ZNF665: variants seen among roughly 807,000 people sequenced by gnomAD.
ZNF665 encodes zinc finger protein 665.
A neutral mutation model predicts 7.9 loss-of-function variants in ZNF665; 6 were observed. The ratio of observed to expected loss-of-function variants is 0.76; its 90% CI spans 0.42 to 1.50. ZNF665 has a LOEUF of 1.50. Ranked by LOEUF, ZNF665 falls within the 40% of genes most tolerant of loss-of-function variation. The pLI is 0.01. For missense variants in ZNF665, 819 were observed against 806.7 expected, an observed-to-expected ratio of 1.02 and a Z score of -0.18; for synonymous variants, 242 against 274.5, an observed-to-expected ratio of 0.88 and a Z score of 1.17.
chr19:53,165,104 G>A lies in ZNF665; in HGVS notation c.1386C>T (p.Asp462=), dbSNP rs1388815034. The A allele has an allele frequency of 6.2e-7, 1 of 1,611,262 alleles. No homozygotes were observed. Among genetic ancestry groups the A allele is most frequent in the Non-Finnish European group, 8.5e-7 (1 of 1,179,202 alleles). ...AATTTTGTGTGAAGACCTTACCGCA[G>A]TCATTACATTTGTAAGGCTTTTCTC... The part of the protein sequence containing the change: ...HTGEKPYKCN[D]CGKVFTQNSH... Residue 462 remains aspartate, a synonymous_variant, in exon 4 of 4, where the codon GAC becomes GAT. Transcript: ENST00000396424.
chr19:53,180,653 T>G (rs2090731527), intron 2 of ZNF665: 1 of 152,130 alleles, frequency 6.6e-6, no homozygotes, highest in Admixed American at 6.6e-5. Flanking sequence ...TTTTATGACA[T>G]CTTTAGTTGT....
chr19:53,184,757 C>A (rs972696813), intron 1 of ZNF665, among the ~76,000 whole-genome samples: 3 of 152,058 alleles, frequency 2.0e-5, no homozygotes, highest in Non-Finnish European at 4.4e-5. Flanking sequence ...ACCACCAAGA[C>A]GTGGAGACCG....
At chr19:53,170,022 G>A (rs2090645878) in intron 3 of ZNF665, among the ~76,000 whole-genome samples, 1 of 145,148 alleles carries the variant, frequency 6.9e-6, no homozygotes, top group African/African-American at 2.6e-5. Flanking sequence ...ATAGCAGCAT[G>A]ATTTATAGTC....
rs764492713 is a variant in ZNF665 at position 53,165,009 on chromosome 19, G to C, written c.1481C>G (p.Ala494Gly). 1 of 1,613,356 alleles carries C rather than the reference G, an allele frequency of 6.2e-7. No individual in the cohort carries two copies. Among genetic ancestry groups the C allele is most frequent in the Non-Finnish European group, 8.5e-7 (1 of 1,179,836 alleles). Residue 494 changes from alanine to glycine, a missense_variant, in exon 4 of 4, where the codon GCC becomes GGC. Transcript: ENST00000396424. ...KPYKCDECGK[A>G]FSQTSQLARH... ...TGCAAGTTGTGATGTTTGACTGAAG[G>C]CTTTACCACATTCATCACACTTGTA...
At chr19:53,182,730 C>T (rs2090747311) in intron 2 of ZNF665, 154 bp downstream of exon 2, 1 of 1,338,106 alleles carries the variant, frequency 7.5e-7, no homozygotes, top group African/African-American at 1.4e-5. Flanking sequence ...GAGATGGAAT[C>T]TAAGTGAGAT....
intron 3 of ZNF665, among the ~76,000 whole-genome samples, chr19:53,170,098 G>T (rs376608759): frequency 0.018 from 2,676 of 145,172 alleles, 95 homozygotes; most frequent in African/African-American, 0.066. Flanking sequence ...AGATCCCTGA[G>T]GAATCGCCAC....
At chr19:53,167,443 T>C (rs542337387) in intron 3 of ZNF665, among the ~76,000 whole-genome samples, 2 of 143,904 alleles carry the variant, frequency 1.4e-5, no homozygotes, top group African/African-American at 4.9e-5. Context: ...AGTCTGTGGA[T>C]TGTCAACAAT....
chr19:53,189,070 T>TGTGC (rs2090793822), intron 1 of ZNF665, among the ~76,000 whole-genome samples: 1 of 151,732 alleles, frequency 6.6e-6, no homozygotes, highest in Non-Finnish European at 1.5e-5. Flanking sequence ...TGTGTGTGTG[T>TGTGC]GTGTGTGTGT....
At position 53,182,870 on chromosome 19, in the gene ZNF665, G is replaced by A; in HGVS notation, c.15+14C>T. 6.2e-7 allele frequency: 1 copy of A among 1,613,114 alleles called. No individual in the cohort carries two copies. Among genetic ancestry groups the A allele is most frequent in the East Asian group, 2.2e-5 (1 of 44,866 alleles). The stretch of plus-strand genomic sequence containing the variant: ...GGAAGGAGACAGAACAATCCACCGA[G>A]AATATCATCTCACCTGAGGAAGAGC... On this transcript the variant is annotated intron_variant, in intron 2 of 3. Coordinates refer to ENST00000396424, the MANE Select transcript of ZNF665 (RefSeq NM_024733.5).
At chr19:53,172,087 G>A (rs1281095116) in intron 3 of ZNF665, among the ~76,000 whole-genome samples, 1 of 152,144 alleles carries the variant, frequency 6.6e-6, no homozygotes, top group East Asian at 1.9e-4. Context: ...GTAAATAATA[G>A]AGTAATAATT....
chr19:53,182,012 T>C (rs1339651375), intron 2 of ZNF665: 2 of 152,238 alleles, frequency 1.3e-5, no homozygotes, highest in Admixed American at 1.3e-4. Context: ...ATGAAAACAT[T>C]CATCCAATAT....
chr19:53,181,425 A>C, intron 2 of ZNF665: 1 of 151,764 alleles, frequency 6.6e-6, no homozygotes, highest in Non-Finnish European at 1.5e-5. Context: ...TGTATCAGAA[A>C]AAAAAAAAAA....
At chr19:53,192,932 C>T (rs1003744736) in intron 1 of ZNF665, among the ~76,000 whole-genome samples, 2 of 152,154 alleles carry the variant, frequency 1.3e-5, no homozygotes, top group Non-Finnish European at 2.9e-5. Context: ...GGCAGAGGCG[C>T]GGCCTCCCCG....
chr19:53,172,049 C>T (rs143788652), intron 3 of ZNF665, among the ~76,000 whole-genome samples: 5 of 152,198 alleles, frequency 3.3e-5, no homozygotes, highest in South Asian at 2.1e-4. Context: ...CCACCACACC[C>T]GGCCAGATTT....
intron 2 of ZNF665, chr19:53,182,533 C>T (rs747408337): frequency 1.5e-6 from 1 of 654,208 alleles, no homozygotes; most frequent in Non-Finnish European, 2.8e-6. Context: ...ACTTCATAAC[C>T]AGCTTCTCTT....
At position 53,184,927 on chromosome 19, in the gene ZNF665, A is replaced by G. The variant is rs375702083; in HGVS notation, c.-45-1984T>C. On this transcript the variant is annotated intron_variant, in intron 1 of 3. Transcript: ENST00000396424. ...CCTGCCTGGCAGCCGAGGCAGAGAG[A>G]GAGAGGAGAAAGAGAGAAACAGCTT... is the stretch of plus-strand genomic sequence containing the variant. Among the ~76,000 whole-genome samples, 171 of 152,160 alleles carry G rather than the reference A, an allele frequency of 1.1e-3. 3 individuals are homozygous for G. In the East Asian group the frequency reaches 0.025, roughly 22 times the overall value.
At chr19:53,192,912 C>G (rs1338311562) in intron 1 of ZNF665, among the ~76,000 whole-genome samples, 18 of 152,246 alleles carry the variant, frequency 1.2e-4, no homozygotes, top group South Asian at 4.1e-4. Flanking sequence ...TATGCAGGAT[C>G]CCAGGACCAG....
In ZNF665 at chr19:53,165,199, T is replaced by C; in HGVS notation, c.1291A>G (p.Arg431Gly). The C allele has an allele frequency of 1.2e-6, 2 of 1,614,144 alleles. No homozygotes were observed. Among genetic ancestry groups the C allele is most frequent in the Non-Finnish European group, 8.5e-7 (1 of 1,180,014 alleles). The change falls in exon 4 of 4, where the codon AGG becomes GGG. Residue 431 changes from arginine (R) to glycine (G), a missense_variant. Arg to Gly is a moderately radical substitution (Grantham distance 125). Transcript: ENST00000396424. The stretch of plus-strand genomic sequence containing the variant: ...AAGGCTTTGCCACACTCATCACACC[T>C]GTAAGGTTTCTCTCCAGTATGAATT... ...RRIHTGEKPYRCDECGKAFSV... is the reference protein window; with the variant it reads ...RRIHTGEKPYGCDECGKAFSV...
chr19:53,191,703 G>T (rs1315853851), intron 1 of ZNF665: 1 of 152,258 alleles, frequency 6.6e-6, no homozygotes, highest in Non-Finnish European at 1.5e-5. Context: ...AGTTAGCCAG[G>T]TGTGGTGGTG....
Sources: gnomAD v4.1 joint callset for allele counts (sites outside exome capture counted in the v4.1 genomes callset) on GRCh38, gnomAD v4.1.1 for gene constraint, MANE v1.5 for transcripts, NCBI Gene and HGNC (gene_info 2026-07-23, HGNC 2026-07-21) for gene names.